DGKG: variants seen among roughly 807,000 people sequenced by gnomAD.
DGKG encodes the protein DAG kinase gamma.
DGKG carries 78 observed loss-of-function variants against 105.3 expected under a neutral mutation model. The observed-to-expected ratio is 0.74, with a 90% CI of 0.62 to 0.89. The LOEUF (loss-of-function observed/expected upper bound fraction) is 0.89. Among genes scored for constraint, DGKG ranks in the 40% least tolerant of loss-of-function variants. DGKG has a pLI of 0.00. For synonymous variants in DGKG, 346 were observed against 367.1 expected (o/e 0.94, Z 0.66); for missense variants, 958 against 1,020.1 (o/e 0.94, Z 0.83).
At chr3:186,154,597 A>G (rs926882288) in intron 24 of DGKG, among the ~76,000 whole-genome samples, 1 of 148,728 alleles carries the variant, frequency 6.7e-6, no homozygotes, top group Admixed American at 6.8e-5. Flanking sequence ...GTGAGCCGAG[A>G]TCGTGCCATT....
intron 21 of DGKG, among the ~76,000 whole-genome samples, chr3:186,190,596 A>G (rs2108502437): frequency 6.6e-6 from 1 of 152,332 alleles, no homozygotes; most frequent in African/African-American, 2.4e-5. Flanking sequence ...ATGGGTGGTC[A>G]TCTTCATTGC....
intron 1 of DGKG, among the ~76,000 whole-genome samples, chr3:186,344,450 C>T (rs1451519872): frequency 6.6e-6 from 1 of 152,140 alleles, no homozygotes; most frequent in Non-Finnish European, 1.5e-5. Flanking sequence ...GATGCAGGAA[C>T]ATGGATGGAT....
chr3:186,350,814 C>T (rs916616817), intron 1 of DGKG, among the ~76,000 whole-genome samples: 6 of 152,184 alleles, frequency 3.9e-5, no homozygotes, highest in East Asian at 1.9e-4. Context: ...GAAGTGGCAT[C>T]TCATTGTGTT....
At chr3:186,158,704 A>G in intron 24 of DGKG, 1 of 970,162 alleles carries the variant, frequency 1.0e-6, no homozygotes, top group Non-Finnish European at 1.2e-6. Context: ...GATGGAAACA[A>G]ATATTTTCAA....
chr3:186,238,718 C>G (rs1046910429), intron 20 of DGKG, among the ~76,000 whole-genome samples: 1 of 152,184 alleles, frequency 6.6e-6, no homozygotes, highest in Non-Finnish European at 1.5e-5. Flanking sequence ...CCCATCTCTG[C>G]CGTTAAAGGC....
intron 10 of DGKG, among the ~76,000 whole-genome samples, chr3:186,274,181 T>A (rs6778003): frequency 1.3e-5 from 2 of 151,686 alleles, no homozygotes; most frequent in East Asian, 3.9e-4. Context: ...AAAATGCTTT[T>A]TTTGTTTGTT....
chr3:186,279,622 T>C (rs1347632617), intron 9 of DGKG: 3 of 403,710 alleles, frequency 7.4e-6, no homozygotes, highest in Admixed American at 4.4e-5. Flanking sequence ...CCTCACAGCA[T>C]GCAGAACAGT....
At chr3:186,300,964 G>A (rs535121756) in intron 3 of DGKG, among the ~76,000 whole-genome samples, 1 of 152,318 alleles carries the variant, frequency 6.6e-6, no homozygotes, top group African/African-American at 2.4e-5. Context: ...CTTGCTCCCT[G>A]AAAACCAGCT....
intron 21 of DGKG, among the ~76,000 whole-genome samples, chr3:186,202,229 T>C (rs1718503547): frequency 6.6e-6 from 1 of 152,242 alleles, no homozygotes; most frequent in Admixed American, 6.5e-5. Context: ...GCTTGAGATA[T>C]AACACGTGTG....
At chr3:186,241,117 A>G (rs1489693258) in intron 20 of DGKG, among the ~76,000 whole-genome samples, 6 of 152,262 alleles carry the variant, frequency 3.9e-5, no homozygotes, top group Non-Finnish European at 8.8e-5. Flanking sequence ...CTGAAGCTAT[A>G]GTGTTCAGTT....
At chr3:186,360,446 A>G (rs1461745056) in intron 1 of DGKG, among the ~76,000 whole-genome samples, 1 of 152,156 alleles carries the variant, frequency 6.6e-6, no homozygotes, top group East Asian at 1.9e-4. Context: ...AAGTTGGCTT[A>G]GTTGCAGCCG....
At chr3:186,199,011 G>C (rs557775277) in intron 21 of DGKG, among the ~76,000 whole-genome samples, 2 of 152,108 alleles carry the variant, frequency 1.3e-5, no homozygotes, top group East Asian at 3.9e-4. Flanking sequence ...GCAATGGTGC[G>C]ATCTTGGCTC....
chr3:186,267,429 A>G (rs1722107971), intron 13 of DGKG, among the ~76,000 whole-genome samples: 1 of 152,196 alleles, frequency 6.6e-6, no homozygotes, highest in African/African-American at 2.4e-5. Flanking sequence ...AAAGATTAAC[A>G]ACTGGGCACT....
Position 186,247,892 on chromosome 3 carries a change from C to T in DGKG, c.1761+3867G>A, listed in dbSNP as rs142852203. On this transcript the variant is annotated intron_variant, in intron 19 of 24. Coordinates refer to ENST00000265022, the MANE Select transcript of DGKG (RefSeq NM_001346.3). ...CCCAAGGTAGGTAAATTATCTTGAC[C>T]ACTGAGAGTGATGGAGAATCTGTTT... 1.6e-4 allele frequency among the ~76,000 whole-genome samples: 25 copies of T among 152,238 alleles called. No homozygotes were observed. The East Asian group carries it at 4.4e-3, about 27-fold the overall frequency.
At chr3:186,163,701 T>C (rs1716405836) in intron 23 of DGKG, among the ~76,000 whole-genome samples, 1 of 151,892 alleles carries the variant, frequency 6.6e-6, no homozygotes, top group Admixed American at 6.6e-5. Context: ...TATCTGGAAA[T>C]AGAGCTACTG....
At chr3:186,212,317 A>T (rs1475503137) in intron 20 of DGKG, among the ~76,000 whole-genome samples, 1 of 152,178 alleles carries the variant, frequency 6.6e-6, no homozygotes, top group African/African-American at 2.4e-5. Context: ...CTAAGACTTG[A>T]GGGATGTGCA....
chr3:186,150,543 T>C (rs1715710221), intron 24 of DGKG, among the ~76,000 whole-genome samples: 2 of 152,126 alleles, frequency 1.3e-5, no homozygotes, highest in African/African-American at 4.8e-5. Context: ...TAGAGTAGCC[T>C]AAGTTCACAA....
chr3:186,220,807 C>T (rs1164554225), intron 20 of DGKG, among the ~76,000 whole-genome samples: 1 of 152,254 alleles, frequency 6.6e-6, no homozygotes, highest in East Asian at 1.9e-4. Flanking sequence ...AATTCTGGGC[C>T]CCTAAGAATC....
intron 24 of DGKG, among the ~76,000 whole-genome samples, chr3:186,154,904 A>G (rs1242346107): frequency 6.6e-6 from 1 of 152,144 alleles, no homozygotes; most frequent in Admixed American, 6.5e-5. Flanking sequence ...TGTGTTTCAG[A>G]ACCCCTGTAG....
Sources: gnomAD v4.1 joint callset for allele counts (sites outside exome capture counted in the v4.1 genomes callset) on GRCh38, gnomAD v4.1.1 for gene constraint, MANE v1.5 for transcripts, NCBI Gene and HGNC (gene_info 2026-07-23, HGNC 2026-07-21) for gene names.